TEAD4: variants seen among roughly 807,000 people sequenced by gnomAD.
The protein encoded by TEAD4 is TEA domain transcription factor 4, also known as transcriptional enhancer factor TEF-3.
A neutral mutation model predicts 52.4 loss-of-function variants in TEAD4; 36 were observed. The ratio of observed to expected loss-of-function variants is 0.69; its 90% CI spans 0.53 to 0.91. The LOEUF (loss-of-function observed/expected upper bound fraction) is 0.91. Ranked by LOEUF, TEAD4 falls within the 40% of genes least tolerant of loss-of-function variation. The probability of loss-of-function intolerance (pLI) is 0.00; values close to 1 mark genes in which losing one functional copy is unlikely to be tolerated. For synonymous variants in TEAD4, 220 were observed against 231.0 expected, an observed-to-expected ratio of 0.95 and a Z score of 0.43; for missense variants, 508 against 583.9, an observed-to-expected ratio of 0.87 and a Z score of 1.34.
At chr12:3,030,455 G>A (rs1046336936) in intron 10 of TEAD4, among the ~76,000 whole-genome samples, 3 of 152,166 alleles carry the variant, frequency 2.0e-5, no homozygotes, top group African/African-American at 4.8e-5. Flanking sequence ...TCCGAGCCAC[G>A]CAGCTCAGCT....
intron 3 of TEAD4, among the ~76,000 whole-genome samples, chr12:3,000,441 G>A (rs558734262): frequency 1.3e-5 from 2 of 152,242 alleles, no homozygotes; most frequent in African/African-American, 4.8e-5. Flanking sequence ...GTGGCGAAGG[G>A]GCCGAGTGTG....
intron 5 of TEAD4, chr12:3,017,135 T>C (rs879914259): frequency 3.2e-6 from 2 of 634,474 alleles, no homozygotes; most frequent in Non-Finnish European, 5.8e-6. Flanking sequence ...ATTAATAAAA[T>C]GACAGATAAT....
chr12:2,966,572 A>G (rs7302995), intron 2 of TEAD4, among the ~76,000 whole-genome samples: 4,177 of 148,918 alleles, frequency 0.028, 201 homozygotes, highest in African/African-American at 0.097. Context: ...CACCATGCCC[A>G]GCTAATTTTT....
intron 2 of TEAD4, among the ~76,000 whole-genome samples, chr12:2,978,441 C>T (rs1469891673): frequency 1.3e-5 from 2 of 149,896 alleles, no homozygotes; most frequent in South Asian, 2.2e-4. Context: ...TCTCACTTTA[C>T]TCACTTTATT....
chr12:3,040,036 C>T (rs1312786596), intron 11 of TEAD4, 71 bp from the exon 12 acceptor site: 19 of 1,582,318 alleles, frequency 1.2e-5, no homozygotes, highest in South Asian at 2.3e-5. Flanking sequence ...CTTTCCTTCC[C>T]GTGGAGTTGG....
chr12:3,034,194 G>T (rs949815930), intron 10 of TEAD4, among the ~76,000 whole-genome samples: 1 of 146,706 alleles, frequency 6.8e-6, no homozygotes, highest in Admixed American at 6.7e-5. Context: ...GCACCTGAGC[G>T]ATGGGAAGAG....
intron 2 of TEAD4, among the ~76,000 whole-genome samples, chr12:2,988,199 A>G (rs914468326): frequency 2.0e-5 from 3 of 152,186 alleles, no homozygotes; most frequent in African/African-American, 7.2e-5. Context: ...CCATTTATTT[A>G]GGTATTATGA....
chr12:3,001,059 C>G (rs1004875997), intron 3 of TEAD4, among the ~76,000 whole-genome samples: 1 of 152,228 alleles, frequency 6.6e-6, no homozygotes, highest in Non-Finnish European at 1.5e-5. Context: ...ACCCTGACTT[C>G]AGGTGCCTGG....
At chr12:3,036,339 A>G (rs934274983) in intron 10 of TEAD4, among the ~76,000 whole-genome samples, 1 of 152,132 alleles carries the variant, frequency 6.6e-6, no homozygotes, top group Non-Finnish European at 1.5e-5. Context: ...TTGTGGCTAC[A>G]TAATGTTTCT....
At position 3,023,779 on chromosome 12, in the gene TEAD4, C is replaced by T. The variant is rs138482068; in HGVS notation, c.897+1762C>T. Among the ~76,000 whole-genome samples the T allele has an allele frequency of 5.7e-5, 7 of 123,212 alleles. No individual in the cohort carries two copies. The East Asian group carries it at 1.6e-3, about 27-fold the overall frequency. 80.8% of individuals were successfully genotyped at this position (123,212 alleles called of 152,430 possible). ...CTGCATTCCAGCCTGGGCAACAGAG[C>T]GAGACTGTCTCAAAAAAAAAAAAAA... On this transcript the variant is annotated intron_variant, in intron 10 of 12. Coordinates refer to ENST00000359864, the MANE Select transcript of TEAD4 (RefSeq NM_003213.4).
At chr12:2,975,870 G>C (rs985634892) in intron 2 of TEAD4, among the ~76,000 whole-genome samples, 7 of 152,126 alleles carry the variant, frequency 4.6e-5, no homozygotes, top group African/African-American at 1.7e-4. Context: ...GGCAACCATT[G>C]ATCTTTTGAC....
At chr12:3,037,010 G>A (rs946336842) in intron 10 of TEAD4, among the ~76,000 whole-genome samples, 7 of 152,194 alleles carry the variant, frequency 4.6e-5, no homozygotes, top group African/African-American at 1.7e-4. Flanking sequence ...GGTTTTGGGT[G>A]TGAGATCAGC....
chr12:3,015,446 G>A (rs1485054013), intron 5 of TEAD4, among the ~76,000 whole-genome samples: 1 of 152,236 alleles, frequency 6.6e-6, no homozygotes, highest in African/African-American at 2.4e-5. Context: ...TGGGTGAAAT[G>A]GTCACCTTGA....
At chr12:2,974,924 G>T (rs551769425) in intron 2 of TEAD4, among the ~76,000 whole-genome samples, 1 of 152,090 alleles carries the variant, frequency 6.6e-6, no homozygotes, top group African/African-American at 2.4e-5. Context: ...AGTCACTCCC[G>T]GGCTAAATCT....
intron 2 of TEAD4, among the ~76,000 whole-genome samples, chr12:2,987,493 G>T (rs1484357273): frequency 6.6e-6 from 1 of 151,964 alleles, no homozygotes; most frequent in Non-Finnish European, 1.5e-5. Flanking sequence ...GGACTGCAGG[G>T]GCGCGATCTC....
intron 3 of TEAD4, among the ~76,000 whole-genome samples, chr12:2,998,586 T>C (rs147208274): frequency 6.6e-6 from 1 of 152,020 alleles, no homozygotes; most frequent in East Asian, 1.9e-4. Flanking sequence ...GCTGCTTCAC[T>C]GTGCTTCATA....
intron 2 of TEAD4, among the ~76,000 whole-genome samples, chr12:2,978,769 C>T (rs537239281): frequency 9.2e-5 from 14 of 152,202 alleles, no homozygotes; most frequent in Non-Finnish European, 1.8e-4. Flanking sequence ...AGTCTCTCTT[C>T]GGCTGTCTCT....
At chr12:3,001,240 A>G (rs2098251458) in intron 3 of TEAD4, among the ~76,000 whole-genome samples, 1 of 152,258 alleles carries the variant, frequency 6.6e-6, no homozygotes, top group Non-Finnish European at 1.5e-5. Context: ...TGAGAAAAAT[A>G]TACATTACGT....
In TEAD4 at chr12:3,040,221, A is replaced by G. The variant is rs910307904; in HGVS notation, c.1153A>G (p.Met385Val). ...GCTCAAGCACCTCCCTGAGAAGTAC[A>G]TGATGAACAGCGTGCTGGAGAACTT... Residue 385 changes from methionine to valine, a missense_variant, in exon 12 of 13, where the codon ATG becomes GTG. Met to Val is a conservative substitution (Grantham distance 21, BLOSUM62 1). Coordinates refer to ENST00000359864, the MANE Select transcript of TEAD4 (RefSeq NM_003213.4). 1.2e-6 allele frequency: 2 copies of G among 1,614,240 alleles called. No individual in the cohort carries two copies. Among genetic ancestry groups the G allele is most frequent in the Middle Eastern group, 1.6e-4 (1 of 6,062 alleles).
Sources: allele counts gnomAD v4.1 joint callset (sites outside exome capture counted in the v4.1 genomes callset), GRCh38; gene constraint gnomAD v4.1.1; transcripts MANE v1.5; gene names NCBI Gene and HGNC (gene_info 2026-07-23, HGNC 2026-07-21).